MX2: variants seen among roughly 807,000 people sequenced by gnomAD.
MX2 encodes MX dynamin like GTPase 2.
In MX2, 51 loss-of-function variants were observed where a neutral mutation model predicts 74.0. The observed-to-expected ratio is 0.69, with a 90% CI of 0.55 to 0.87. The LOEUF is 0.87. Ranked by LOEUF, MX2 falls within the 40% of genes least tolerant of loss-of-function variation. MX2 has a pLI of 0.00. For missense variants in MX2, 832 were observed against 908.7 expected (o/e 0.92, Z 1.09); for synonymous variants, 369 against 339.3 (o/e 1.09, Z -0.96).
intron 3 of MX2, 94 bp downstream of exon 3, chr21:41,378,075 T>A: frequency 7.0e-7 from 1 of 1,425,816 alleles, no homozygotes. Flanking sequence ...AGAGACAGGC[T>A]GCTGGGTGAG....
intron 6 of MX2, among the ~76,000 whole-genome samples, chr21:41,390,950 G>A (rs921065564): frequency 2.0e-5 from 3 of 151,434 alleles, no homozygotes; most frequent in African/African-American, 7.3e-5. Flanking sequence ...AGCTTGCAGT[G>A]AGCCGAGATC....
chr21:41,383,002 C>T (rs767996225), intron 5 of MX2, among the ~76,000 whole-genome samples: 1 of 152,162 alleles, frequency 6.6e-6, no homozygotes, highest in African/African-American at 2.4e-5. Flanking sequence ...GGAGGGCGAC[C>T]GGGCAATAAG....
In MX2 at chr21:41,388,336, C is replaced by T. The variant is rs2089609525; in HGVS notation, c.733-2229C>T. Among the ~76,000 whole-genome samples, 1 of 152,206 alleles carries T rather than the reference C, an allele frequency of 6.6e-6. No individual in the cohort carries two copies. Among genetic ancestry groups the T allele is most frequent in the Non-Finnish European group, 1.5e-5 (1 of 68,034 alleles). ...CCCTACCACATCCGGGTTCTGCGGC[C>T]CTTGGTCCCTCTGGCTCACTTTTGC... On this transcript the variant is annotated intron_variant, in intron 5 of 13. Transcript: ENST00000330714. This position sits in a 1 kb window ranked among gnomAD's most constrained non-coding sequence, Gnocchi z 4.0.
chr21:41,399,405 A>G (rs1342267743), intron 10 of MX2, 68 bp downstream of exon 10: 13 of 1,513,934 alleles, frequency 8.6e-6, no homozygotes, highest in South Asian at 1.2e-5. Context: ...TATGTCCAGC[A>G]CATGATAAGT....
chr21:41,381,881 GCTA>G (rs1211289618), intron 4 of MX2, among the ~76,000 whole-genome samples: 1 of 152,126 alleles, frequency 6.6e-6, no homozygotes, highest in African/African-American at 2.4e-5. Context: ...CTTCTCCATA[GCTA>G]CTTAGTGTCC....
Position 41,408,035 on chromosome 21 carries a change from G to A in MX2, c.1950G>A (p.Gln650=). The change falls in exon 14 of 14, where the codon CAG becomes CAA. Residue 650 remains glutamine (Q), a synonymous_variant. Transcript: ENST00000330714. ...CCAACCAGATCCCATTTATAATTCA[G>A]TATTTTATGCTCCGAGAGAATGGTG... ...RLANQIPFII[Q]YFMLRENGDS... 1 of 1,614,164 alleles carries A rather than the reference G, an allele frequency of 6.2e-7. No homozygotes were observed. The highest frequency in any genetic ancestry group is 1.6e-4 in the Middle Eastern group (1 of 6,062).
chr21:41,395,621 C>A lies in MX2; in HGVS notation c.906C>A (p.Gly302=). The part of the protein sequence containing the change: ...ILTKPDLMDR[G]TEKSVMNVVR... Reference sequence around the variant, plus strand: ...CCAAACCAGATCTAATGGACAGGGGCACTGAGAAAAGCGTCATGAATGTGG... The same window carrying A: ...CCAAACCAGATCTAATGGACAGGGGAACTGAGAAAAGCGTCATGAATGTGG... Residue 302 remains glycine, a synonymous_variant, in exon 7 of 14, where the codon GGC becomes GGA. Coordinates refer to ENST00000330714, the MANE Select transcript of MX2 (RefSeq NM_002463.2). 6.2e-7 allele frequency: 1 copy of A among 1,614,152 alleles called. No homozygotes were observed.
intron 1 of MX2, among the ~76,000 whole-genome samples, chr21:41,375,340 G>C (rs73370108): frequency 6.6e-6 from 1 of 152,170 alleles, no homozygotes; most frequent in South Asian, 2.1e-4. Flanking sequence ...ATTCAGAGTC[G>C]TACCCTTGTA....
At chr21:41,392,666 C>T (rs193270477) in intron 6 of MX2, among the ~76,000 whole-genome samples, 6 of 152,090 alleles carry the variant, frequency 3.9e-5, no homozygotes, top group Non-Finnish European at 7.3e-5. Context: ...ATTCACTTTA[C>T]GTACACTTTA....
intron 1 of MX2, among the ~76,000 whole-genome samples, 157 bp from the exon 2 acceptor site, chr21:41,376,679 C>T (rs1433620819): frequency 2.0e-5 from 3 of 152,154 alleles, no homozygotes; most frequent in Non-Finnish European, 4.4e-5. Context: ...GCCAAGAGCC[C>T]CTCCTGCAGA....
At chr21:41,379,651 T>C (rs114486644) in intron 3 of MX2, among the ~76,000 whole-genome samples, 1,654 of 152,122 alleles carry the variant, frequency 0.011, 35 homozygotes, top group African/African-American at 0.037. Flanking sequence ...TGACTCCAGC[T>C]GCAGAAAGAC....
At chr21:41,373,651 C>G (rs364525) in intron 1 of MX2, among the ~76,000 whole-genome samples, 2 of 151,820 alleles carry the variant, frequency 1.3e-5, no homozygotes, top group Non-Finnish European at 2.9e-5. Context: ...AGAATCCAGT[C>G]GGCTCTCACC....
chr21:41,378,082 T>C, intron 3 of MX2, 101 bp downstream of exon 3: 1 of 1,382,750 alleles, frequency 7.2e-7, no homozygotes, highest in Non-Finnish European at 9.8e-7. Flanking sequence ...GGCTGCTGGG[T>C]GAGAGAGCTG....
At chr21:41,373,660 C>G (rs1339633977) in intron 1 of MX2, among the ~76,000 whole-genome samples, 1 of 152,132 alleles carries the variant, frequency 6.6e-6, no homozygotes, top group Non-Finnish European at 1.5e-5. Flanking sequence ...TCGGCTCTCA[C>G]CACCCTCTTT....
chr21:41,409,035 G>A lies in MX2; in HGVS notation c.*802G>A, dbSNP rs1370873311. 5 of 152,130 alleles carry A rather than the reference G, an allele frequency of 3.3e-5. No individual in the cohort carries two copies. The highest frequency in any genetic ancestry group is 2.6e-4 in the Admixed American group (4 of 15,280). The allele number at this position is 152,130 out of a possible 1,614,324, so 9.4% of individuals were successfully genotyped here. ...AGCCCAGGAGTTCAAGACCAGACTG[G>A]GCAACACAGGGAGACCCTGTCTCTA... On this transcript the variant is annotated 3_prime_UTR_variant, in exon 14 of 14. Coordinates refer to ENST00000330714, the MANE Select transcript of MX2 (RefSeq NM_002463.2).
chr21:41,364,561 T>C (rs942816735), intron 1 of MX2: 5 of 152,360 alleles, frequency 3.3e-5, no homozygotes, highest in Non-Finnish European at 5.9e-5. Flanking sequence ...TTTCAGTCAC[T>C]ACGTACCTGT....
intron 5 of MX2, among the ~76,000 whole-genome samples, chr21:41,386,652 C>G (rs2089582382): frequency 6.6e-6 from 1 of 152,204 alleles, no homozygotes; most frequent in South Asian, 2.1e-4. Context: ...GCCCCAGGGT[C>G]CTGCCCTACC....
chr21:41,373,716 G>T (rs180819964), intron 1 of MX2, among the ~76,000 whole-genome samples: 167 of 150,310 alleles, frequency 1.1e-3, no homozygotes, highest in Non-Finnish European at 1.7e-3. Flanking sequence ...GTCTTTTGGA[G>T]CCCCCCAGGA....
rs753425754 is a variant in MX2, at chr21:41,380,044, T to A, written c.470T>A (p.Leu157Gln). ...ATCGTAACCAGGTGTCCGCTGGTGC[T>A]GAAACTGAAAAAGCAGCCCTGTGAG... ...SGIVTRCPLV[L>Q]KLKKQPCEAW... Residue 157 changes from leucine (L) to glutamine (Q), a missense_variant, in exon 4 of 14, where the codon CTG becomes CAG. Transcript: ENST00000330714. This position sits in a 1 kb window ranked among gnomAD's most constrained non-coding sequence, Gnocchi z 4.3. 1 of 1,613,992 alleles carries A rather than the reference T, an allele frequency of 6.2e-7. No individual in the cohort carries two copies. The highest frequency in any genetic ancestry group is 8.5e-7 in the Non-Finnish European group (1 of 1,179,930).
Sources: allele counts gnomAD v4.1 joint callset (sites outside exome capture counted in the v4.1 genomes callset), GRCh38; gene constraint gnomAD v4.1.1; non-coding constraint Gnocchi (gnomAD v3.1); transcripts MANE v1.5; gene names NCBI Gene and HGNC (gene_info 2026-07-23, HGNC 2026-07-21).